Variants in CLSPN observed in about 807,000 individuals in gnomAD.
CLSPN encodes the protein claspin, also known as claspin homolog.
In CLSPN, 85 loss-of-function variants were observed where a neutral mutation model predicts 156.3. That is an observed-to-expected ratio of 0.54 (90% confidence interval 0.46 to 0.65). The LOEUF (loss-of-function observed/expected upper bound fraction) is 0.65. Among genes scored for constraint, CLSPN ranks in the 30% least tolerant of loss-of-function variants. The pLI is 0.00. For missense variants in CLSPN, 1,407 were observed against 1,554.9 expected (o/e 0.90, Z 1.60); for synonymous variants, 534 against 542.4 (o/e 0.98, Z 0.22).
intron 6 of CLSPN, 57 bp downstream of exon 6, chr1:35,761,941 G>T: frequency 1.7e-6 from 2 of 1,190,246 alleles, no homozygotes; most frequent in Non-Finnish European, 2.5e-6. Flanking sequence ...CAACATCCAA[G>T]TTGAGCTTAC....
At chr1:35,748,857 G>A (rs544125965) in intron 12 of CLSPN, 38 of 380,726 alleles carry the variant, frequency 1.0e-4, no homozygotes, top group South Asian at 1.4e-4. Context: ...AGACAGTCTC[G>A]CTCTGTCACC....
chr1:35,722,757 G>A (rs1159253590), intron 24 of CLSPN, among the ~76,000 whole-genome samples: 1 of 151,758 alleles, frequency 6.6e-6, no homozygotes, highest in Middle Eastern at 3.2e-3. Context: ...TCAGCCTCCT[G>A]AGTAGCTGAG....
chr1:35,723,953 G>A (rs556994136), intron 24 of CLSPN, among the ~76,000 whole-genome samples: 4 of 152,220 alleles, frequency 2.6e-5, no homozygotes, highest in South Asian at 4.1e-4. Flanking sequence ...ATCACACCAC[G>A]GCACTCTAGC....
chr1:35,739,303 T>C, intron 19 of CLSPN, 46 bp from the exon 20 acceptor site: 1 of 1,614,114 alleles, frequency 6.2e-7, no homozygotes, highest in Non-Finnish European at 8.5e-7. Context: ...CCATTCTGGC[T>C]GGTTACAGGG....
Position 35,749,699 on chromosome 1 carries a change from G to C in CLSPN, c.2141C>G (p.Ser714Cys), listed in dbSNP as rs1391556566. ...ATCTGATGAGAGAGACTTGGGAACA[G>C]AGAGGAAGCCAACTGCCTTGCCAAT... ...SEIGKAVGFL[S>C]VPKSLSSDST... Residue 714 changes from serine to cysteine, a missense_variant, in exon 11 of 25, where the codon TCT (serine) becomes TGT (cysteine). Transcript: ENST00000318121. 1 of 1,614,164 alleles carries C rather than the reference G, an allele frequency of 6.2e-7. No homozygotes were observed. Among genetic ancestry groups the C allele is most frequent in the Non-Finnish European group, 8.5e-7 (1 of 1,180,014 alleles).
intron 1 of CLSPN, 48 bp downstream of exon 1, chr1:35,769,799 G>A (rs761064244): frequency 9.0e-6 from 14 of 1,560,566 alleles, no homozygotes; most frequent in Non-Finnish European, 1.2e-5. Flanking sequence ...CTAACCTCTC[G>A]GTGCCCGGCC....
intron 18 of CLSPN, among the ~76,000 whole-genome samples, chr1:35,741,731 T>C (rs1427940793): frequency 2.0e-5 from 3 of 151,788 alleles, no homozygotes; most frequent in Non-Finnish European, 4.4e-5. Flanking sequence ...TCCCAGCATG[T>C]TGGAAGGCCA....
At chr1:35,744,775 A>AC (rs1290811151) in intron 16 of CLSPN, among the ~76,000 whole-genome samples, 1 of 152,132 alleles carries the variant, frequency 6.6e-6, no homozygotes, top group Non-Finnish European at 1.5e-5. Flanking sequence ...TGGGGTACAG[A>AC]CTAAGAAGTG....
Position 35,764,730 on chromosome 1 carries a change from T to C in CLSPN, c.134-16A>G, listed in dbSNP as rs771870127. The C allele has an allele frequency of 2.4e-5, 36 of 1,510,134 alleles. No individual in the cohort carries two copies. The African/African-American group carries it at 2.8e-4, about 12-fold the overall frequency. 93.5% of individuals were successfully genotyped at this position (1,510,134 alleles called of 1,614,324 possible). On this transcript the variant is annotated splice_polypyrimidine_tract_variant and intron_variant, in intron 2 of 24. Transcript: ENST00000318121. The stretch of plus-strand genomic sequence containing the variant: ...TCATCTGAATCTGGAGGAAACAATT[T>C]TCTTTTAATTATACCATCATTTGAT...
At chr1:35,763,597 T>C (rs1437656532) in intron 3 of CLSPN, among the ~76,000 whole-genome samples, 1 of 152,202 alleles carries the variant, frequency 6.6e-6, no homozygotes, top group South Asian at 2.1e-4. Context: ...AATTTGAGGA[T>C]GGTTTTTCTA....
chr1:35,745,171 A>T (rs1641834270), intron 16 of CLSPN, among the ~76,000 whole-genome samples: 1 of 152,040 alleles, frequency 6.6e-6, no homozygotes, highest in African/African-American at 2.4e-5. Flanking sequence ...CCACATTCTC[A>T]CTAACACTCT....
chr1:35,752,717 C>T (rs1447955583), intron 9 of CLSPN, among the ~76,000 whole-genome samples: 1 of 151,788 alleles, frequency 6.6e-6, no homozygotes, highest in Non-Finnish European at 1.5e-5. Flanking sequence ...CTTAAGTGCT[C>T]TGCATATCAG....
rs549670620 is a variant in CLSPN, at chr1:35,751,285, T to C, written c.1993A>G (p.Lys665Glu). ...CCTTCTTCTTCCTCCTCCTCTTCTT[T>C]CTCCTCCTCTTCCTCTAGTTCTTCC... ...KEEELEEEEE[K>E]EEEEEEEGNQ... Residue 665 changes from lysine (K) to glutamate (E), a missense_variant, in exon 10 of 25, where the codon AAA becomes GAA. Physicochemically the swap from Lys to Glu is moderately conservative, Grantham distance 56. This residue lies in a region of CLSPN where 1,096 missense variants were observed against 1,193.0 expected (regional missense o/e 0.92). Transcript: ENST00000318121. 6 of 1,591,996 alleles carry C rather than the reference T, an allele frequency of 3.8e-6. No homozygotes were observed. In the African/African-American group the frequency reaches 8.0e-5, roughly 21 times the overall value.
chr1:35,737,747 A>T, intron 22 of CLSPN: 1 of 453,952 alleles, frequency 2.2e-6, no homozygotes, highest in African/African-American at 1.9e-5. Context: ...AGCCAGAATT[A>T]ACTACTCTGA....
chr1:35,762,510 A>G, intron 4 of CLSPN, 29 bp from the exon 5 acceptor site: 1 of 1,578,104 alleles, frequency 6.3e-7, no homozygotes, highest in Non-Finnish European at 8.7e-7. Flanking sequence ...TGATTAGGAC[A>G]AAAACGAAAT....
chr1:35,740,457 C>T (rs898686540), intron 18 of CLSPN, among the ~76,000 whole-genome samples: 6 of 149,268 alleles, frequency 4.0e-5, no homozygotes, highest in African/African-American at 1.2e-4. Flanking sequence ...GTCGCTCTGT[C>T]GCCTAGGCTG....
chr1:35,728,016 A>G (rs1019369268), downstream of CLSPN, among the ~76,000 whole-genome samples: 4 of 152,022 alleles, frequency 2.6e-5, no homozygotes, highest in African/African-American at 9.7e-5. Flanking sequence ...CTATGCCTCA[A>G]TAGCCTCCTG....
Position 35,736,589 on chromosome 1 carries a change from T to C in CLSPN, c.3927A>G (p.Pro1309=), listed in dbSNP as rs936540070. 1.2e-6 allele frequency: 2 copies of C among 1,612,214 alleles called. No homozygotes were observed. The highest frequency in any genetic ancestry group is 1.7e-6 in the Non-Finnish European group (2 of 1,179,336). The change falls in exon 25 of 25, where the codon CCA becomes CCG. Residue 1309 remains proline (P), a synonymous_variant. Coordinates refer to ENST00000318121, the MANE Select transcript of CLSPN (RefSeq NM_022111.4). ...TAGGTGAAGGAGAAGTCATGAAAGATGGACCCCTTTTCTTTACCTAGAGAG... is the reference window on the plus strand; with the variant it reads ...TAGGTGAAGGAGAAGTCATGAAAGACGGACCCCTTTTCTTTACCTAGAGAG... The part of the protein sequence containing the change: ...SSKSQVKKRG[P]SFMTSPSPKH...
At chr1:35,743,345 T>G in intron 17 of CLSPN, 104 bp from the exon 18 acceptor site, 1 of 1,385,264 alleles carries the variant, frequency 7.2e-7, no homozygotes, top group Non-Finnish European at 1.0e-6. Flanking sequence ...AGGAAATTGT[T>G]TCTGATAAGA....
Sources: gnomAD v4.1 joint callset for allele counts (sites outside exome capture counted in the v4.1 genomes callset) on GRCh38, gnomAD v4.1.1 for gene constraint, gnomAD v4.1.1 regional missense constraint, MANE v1.5 for transcripts, NCBI Gene and HGNC (gene_info 2026-07-23, HGNC 2026-07-21) for gene names.